TMEM165: variants seen among roughly 807,000 people sequenced by gnomAD.
TMEM165 encodes transmembrane protein 165, also known as putative divalent cation/proton antiporter TMEM165.
Under a neutral mutation model 30.0 loss-of-function variants are expected in TMEM165, and 19 were observed. The observed-to-expected ratio is 0.63, with a 90% CI of 0.44 to 0.93. TMEM165 has a LOEUF of 0.93. Ranked by LOEUF, TMEM165 falls within the 40% of genes least tolerant of loss-of-function variation. The pLI is 0.00. For synonymous variants in TMEM165, 168 were observed against 162.9 expected (o/e 1.03, Z -0.24); for missense variants, 340 against 417.0 (o/e 0.82, Z 1.61).
chr4:55,428,135 G>C (rs957410075), downstream of TMEM165: 1 of 152,086 alleles, frequency 6.6e-6, no homozygotes, highest in South Asian at 2.1e-4. Flanking sequence ...TATAAGTTTA[G>C]GTTCTGAATA....
At chr4:55,444,689 C>G (rs746419884) in intron 3 of TMEM165, 19 of 1,613,978 alleles carry the variant, frequency 1.2e-5, no homozygotes, top group Non-Finnish European at 1.6e-5. Flanking sequence ...CTTAGTTCTT[C>G]TTGTTGCCGA....
intron 4 of TMEM165, 138 bp from the exon 5 acceptor site, chr4:55,424,400 T>G (rs1200530242): frequency 3.3e-6 from 2 of 603,296 alleles, no homozygotes; most frequent in African/African-American, 1.9e-5. Context: ...TCTCATAAAT[T>G]TATTATACAC....
At chr4:55,429,783 G>C (rs1339929544), downstream of TMEM165, 1 of 152,144 alleles carries the variant, frequency 6.6e-6, no homozygotes, top group Non-Finnish European at 1.5e-5. Flanking sequence ...ACTAGAAAAA[G>C]GTTGGAACTG....
chr4:55,444,575 T>C, intron 3 of TMEM165: 1 of 1,608,554 alleles, frequency 6.2e-7, no homozygotes, highest in Non-Finnish European at 8.5e-7. Flanking sequence ...AAGTTAATTT[T>C]CCTAGAAATC....
At chr4:55,424,878 C>G in intron 5 of TMEM165, 1 of 483,800 alleles carries the variant, frequency 2.1e-6, no homozygotes, top group South Asian at 2.7e-5. Flanking sequence ...TTCTTGTTAA[C>G]ATATTATCTT....
At chr4:55,436,051 A>G (rs1250123398) in intron 3 of TMEM165, among the ~76,000 whole-genome samples, 1 of 152,156 alleles carries the variant, frequency 6.6e-6, no homozygotes, top group Admixed American at 6.5e-5. Context: ...CCTGAGGTAG[A>G]CTGAATGGTT....
intron 1 of TMEM165, among the ~76,000 whole-genome samples, chr4:55,402,415 A>G (rs1156818644): frequency 2.0e-4 from 13 of 66,328 alleles, no homozygotes; most frequent in South Asian, 9.6e-4. Flanking sequence ...ATATATATAT[A>G]TATATATATA....
intron 1 of TMEM165, among the ~76,000 whole-genome samples, chr4:55,405,492 A>G (rs1560389128): frequency 6.6e-6 from 1 of 152,080 alleles, no homozygotes; most frequent in Non-Finnish European, 1.5e-5. Context: ...TATCACCCCA[A>G]GTGGAATGTA....
chr4:55,404,783 A>T (rs1040135931), intron 1 of TMEM165, among the ~76,000 whole-genome samples: 1 of 152,332 alleles, frequency 6.6e-6, no homozygotes, highest in East Asian at 1.9e-4. Context: ...AAATCCAGGG[A>T]TCTTTTTCAG....
intron 3 of TMEM165, among the ~76,000 whole-genome samples, chr4:55,440,054 T>G (rs1290597513): frequency 6.6e-6 from 1 of 152,178 alleles, no homozygotes; most frequent in Non-Finnish European, 1.5e-5. Context: ...CTTTTTCTTT[T>G]TATAAAATTA....
At chr4:55,434,140 TCAAAACTG>T (rs1266171185) in intron 3 of TMEM165, 2 of 152,622 alleles carry the variant, frequency 1.3e-5, no homozygotes, top group Non-Finnish European at 2.9e-5. Context: ...TACTAAGGTT[TCAAAACTG>T]CTACGGAAAC....
intron 1 of TMEM165, among the ~76,000 whole-genome samples, chr4:55,397,910 ATTTT>A (rs71194549): frequency 2.3e-4 from 34 of 147,916 alleles, no homozygotes; most frequent in Admixed American, 2.0e-4. Context: ...ATTTTTGTTT[ATTTT>A]TTTTTTTTTT....
At position 55,396,119 on chromosome 4, in the gene TMEM165, T is replaced by C; in HGVS notation, c.-71T>C. On this transcript the variant is annotated 5_prime_UTR_variant, in exon 1 of 6. Coordinates refer to ENST00000381334, the MANE Select transcript of TMEM165 (RefSeq NM_018475.5). ...CGTGAGGACGCGCCGCGGAGGCTGT[T>C]CGGGGTCGAGGCTTCCCGTCGCCGG... The C allele has an allele frequency of 8.0e-7, 1 of 1,256,988 alleles. No homozygotes were observed. The highest frequency in any genetic ancestry group is 1.0e-6 in the Non-Finnish European group (1 of 992,056). 77.9% of individuals were successfully genotyped at this position (1,256,988 alleles called of 1,614,324 possible).
Position 55,420,098 on chromosome 4 carries a change from GA to G in TMEM165, c.792+2122del, listed in dbSNP as rs370641089. On this transcript the variant is annotated intron_variant, in intron 4 of 5. Coordinates refer to ENST00000381334, the MANE Select transcript of TMEM165 (RefSeq NM_018475.5). ...GTGACAGAGTGAGACACTATCTTAA[GA>G]AAAAAAAATATATATATATATACAT... Among the ~76,000 whole-genome samples, 104 of 43,782 alleles carry G rather than the reference GA, an allele frequency of 2.4e-3. 4 individuals carry two copies. Among genetic ancestry groups the G allele is most frequent in the African/African-American group, 5.6e-3 (98 of 17,646 alleles). The allele number at this position is 43,782 out of a possible 152,430, so 28.7% of individuals were successfully genotyped here.
At chr4:55,428,819 A>G (rs1296904520), downstream of TMEM165, 2 of 151,730 alleles carry the variant, frequency 1.3e-5, no homozygotes, top group Non-Finnish European at 2.9e-5. Flanking sequence ...ACTGGTTTCA[A>G]TACAGCACTG....
At chr4:55,450,235 A>G (rs765289673) in intron 3 of TMEM165, 4 of 1,613,822 alleles carry the variant, frequency 2.5e-6, no homozygotes, top group African/African-American at 2.7e-5. Flanking sequence ...TCTTGGCTCT[A>G]TGGAGACAGA....
rs187819788 is a variant in TMEM165, at chr4:55,438,515, C to T, written c.409-13724C>T. On this transcript the variant is annotated intron_variant, in intron 3 of 3. Transcript: ENST00000608091. Reference sequence around the variant, plus strand: ...ACAGGAGCAGTCACTAATTTGGTCACAAGTTGTTGACCTTGAGAAAATCTG... The same window carrying T: ...ACAGGAGCAGTCACTAATTTGGTCATAAGTTGTTGACCTTGAGAAAATCTG... 42 of 1,613,576 alleles carry T rather than the reference C, an allele frequency of 2.6e-5. No homozygotes were observed. In the Admixed American group the frequency reaches 5.7e-4, roughly 22 times the overall value.
At chr4:55,438,641 GC>G (rs2109650371) in intron 3 of TMEM165, 1 of 1,548,156 alleles carries the variant, frequency 6.5e-7, no homozygotes, top group East Asian at 2.3e-5. Context: ...CAATGACATT[GC>G]CAGTTTGTTT....
intron 1 of TMEM165, among the ~76,000 whole-genome samples, 182 bp from the exon 2 acceptor site, chr4:55,411,432 C>T (rs1260450406): frequency 6.6e-6 from 1 of 152,096 alleles, no homozygotes; most frequent in Non-Finnish European, 1.5e-5. Context: ...AAGGGATACT[C>T]AAATTGTAGC....
Sources: allele counts gnomAD v4.1 joint callset (sites outside exome capture counted in the v4.1 genomes callset), GRCh38; gene constraint gnomAD v4.1.1; transcripts MANE v1.5; gene names NCBI Gene and HGNC (gene_info 2026-07-23, HGNC 2026-07-21).